NRG3: variants seen among roughly 807,000 people sequenced by gnomAD.
NRG3 encodes pro-neuregulin-3, membrane-bound isoform.
NRG3 carries 31 observed loss-of-function variants against 66.9 expected under a neutral mutation model. That is an observed-to-expected ratio of 0.46 (90% confidence interval 0.35 to 0.63). The LOEUF (loss-of-function observed/expected upper bound fraction) is 0.63. NRG3 is among the 20% of genes least tolerant of loss of function. The pLI is 0.00. For synonymous variants in NRG3, 393 were observed against 359.4 expected (o/e 1.09, Z -1.06); for missense variants, 910 against 878.9 (o/e 1.04, Z -0.45).
intron 1 of NRG3, among the ~76,000 whole-genome samples, chr10:81,906,897 A>C (rs1844652769): frequency 6.6e-6 from 1 of 151,526 alleles, no homozygotes; most frequent in Non-Finnish European, 1.5e-5. Flanking sequence ...AGTGTAGAGC[A>C]GTGAGGGTCT....
At chr10:82,371,611 G>A (rs2084900567) in intron 2 of NRG3, among the ~76,000 whole-genome samples, 1 of 152,044 alleles carries the variant, frequency 6.6e-6, no homozygotes, top group African/African-American at 2.4e-5. Flanking sequence ...GCTCATATCT[G>A]TTTTGTGTTG....
intron 1 of NRG3, among the ~76,000 whole-genome samples, chr10:81,891,478 T>A (rs1190759039): frequency 6.6e-6 from 1 of 152,162 alleles, no homozygotes; most frequent in Non-Finnish European, 1.5e-5. Context: ...TCCACTTAGA[T>A]GCTCTGCCAT....
intron 2 of NRG3, among the ~76,000 whole-genome samples, chr10:82,420,117 A>C (rs2088950349): frequency 6.6e-6 from 1 of 152,144 alleles, no homozygotes; most frequent in Non-Finnish European, 1.5e-5. Context: ...CTTTTGAAAT[A>C]TCTGGCTGCA....
chr10:82,299,250 G>T (rs1450091777), intron 1 of NRG3, among the ~76,000 whole-genome samples: 1 of 152,028 alleles, frequency 6.6e-6, no homozygotes, highest in East Asian at 1.9e-4. Context: ...ACAAAATAAG[G>T]GATTGGAGTG....
At chr10:82,145,222 G>A (rs916826460) in intron 1 of NRG3, among the ~76,000 whole-genome samples, 1 of 152,128 alleles carries the variant, frequency 6.6e-6, no homozygotes, top group Admixed American at 6.6e-5. Flanking sequence ...CAGTCAACAA[G>A]GAATTGCTAA....
chr10:82,075,059 A>G lies in NRG3; in HGVS notation c.823+198896A>G, dbSNP rs767059098. 2.6e-5 allele frequency among the ~76,000 whole-genome samples: 4 copies of G among 152,188 alleles called. No homozygotes were observed. The East Asian group carries it at 7.7e-4, about 29-fold the overall frequency. ...TCTGTTGAATCGATGAATGAATTTAAGTGTCACTATTTTGATGCTTAGCGA... is the reference window on the plus strand; with the variant it reads ...TCTGTTGAATCGATGAATGAATTTAGGTGTCACTATTTTGATGCTTAGCGA... On this transcript the variant is annotated intron_variant, in intron 1 of 8. Transcript: ENST00000372141.
intron 2 of NRG3, among the ~76,000 whole-genome samples, chr10:82,362,670 G>C (rs918063522): frequency 2.0e-5 from 3 of 150,362 alleles, no homozygotes; most frequent in African/African-American, 7.3e-5. Context: ...GATTACAGGT[G>C]TGAGTTACTA....
At chr10:82,621,605 A>T (rs140929716) in intron 2 of NRG3, among the ~76,000 whole-genome samples, 1 of 152,328 alleles carries the variant, frequency 6.6e-6, no homozygotes, top group East Asian at 1.9e-4. Flanking sequence ...TGTCTATAAA[A>T]GGTAATTGAT....
At chr10:82,455,841 A>G (rs1279286193) in intron 2 of NRG3, among the ~76,000 whole-genome samples, 2 of 151,950 alleles carry the variant, frequency 1.3e-5, no homozygotes, top group South Asian at 2.1e-4. Flanking sequence ...GATGGTCTCT[A>G]TCTCCTGACC....
intron 1 of NRG3, among the ~76,000 whole-genome samples, chr10:82,118,673 T>C (rs1302501889): frequency 6.6e-6 from 1 of 152,128 alleles, no homozygotes; most frequent in East Asian, 1.9e-4. Flanking sequence ...TGTCTCTTTT[T>C]TGCTTTTTTT....
chr10:82,324,669 T>C (rs2081766767), intron 1 of NRG3, among the ~76,000 whole-genome samples: 1 of 152,230 alleles, frequency 6.6e-6, no homozygotes, highest in South Asian at 2.1e-4. Context: ...TATTCCTTTC[T>C]CCATTGGTTA....
Position 82,233,181 on chromosome 10 carries a change from G to A in NRG3, c.824-125558G>A, listed in dbSNP as rs539526516. Among the ~76,000 whole-genome samples, 44 of 152,246 alleles carry A rather than the reference G, an allele frequency of 2.9e-4. No homozygotes were observed. The East Asian group carries it at 7.2e-3, about 25-fold the overall frequency. On this transcript the variant is annotated intron_variant, in intron 1 of 8. Transcript: ENST00000372141. ...AGATCAAGACCATCCTGGCTAACACGGTGAAACTCCGTCTCTACTAAAAAT... is the reference window on the plus strand; with the variant it reads ...AGATCAAGACCATCCTGGCTAACACAGTGAAACTCCGTCTCTACTAAAAAT...
chr10:82,416,749 G>A (rs1041810212), intron 2 of NRG3, among the ~76,000 whole-genome samples: 17 of 152,052 alleles, frequency 1.1e-4, no homozygotes, highest in South Asian at 2.1e-4. Flanking sequence ...TCTTTCACTC[G>A]CCTCTGCCTT....
intron 2 of NRG3, among the ~76,000 whole-genome samples, chr10:82,677,440 C>T (rs2053791285): frequency 6.6e-6 from 1 of 152,096 alleles, no homozygotes; most frequent in Non-Finnish European, 1.5e-5. Flanking sequence ...CTTTTTGGTA[C>T]TGACACTTTT....
chr10:82,369,003 G>A (rs1825717964), intron 2 of NRG3, among the ~76,000 whole-genome samples: 1 of 138,656 alleles, frequency 7.2e-6, no homozygotes, highest in Admixed American at 6.8e-5. Flanking sequence ...CTACTGAAAG[G>A]ATTCTTCCTC....
rs143406661 is a variant in NRG3, at chr10:82,162,328, G to C, written c.824-196411G>C. Among the ~76,000 whole-genome samples, 192 of 152,164 alleles carry C rather than the reference G, an allele frequency of 1.3e-3. 2 individuals are homozygous for C. Among genetic ancestry groups the C allele is most frequent in the Non-Finnish European group, 2.1e-3 (146 of 68,012 alleles). On this transcript the variant is annotated intron_variant, in intron 1 of 8. Coordinates refer to ENST00000372141, the MANE Select transcript of NRG3 (RefSeq NM_001010848.4). Reference sequence around the variant, plus strand: ...TGTCAAATCACTCCACAAAATCACTGAGCTTTCCTTTTTATTTTACTTTTT... The same window carrying C: ...TGTCAAATCACTCCACAAAATCACTCAGCTTTCCTTTTTATTTTACTTTTT...
intron 1 of NRG3, among the ~76,000 whole-genome samples, chr10:82,034,906 G>A (rs979517172): frequency 6.6e-6 from 1 of 151,938 alleles, no homozygotes; most frequent in Non-Finnish European, 1.5e-5. Flanking sequence ...TGCAGCCCTG[G>A]CACCATCTTT....
chr10:82,771,147 C>A (rs1016124644), intron 3 of NRG3, among the ~76,000 whole-genome samples: 6 of 152,062 alleles, frequency 3.9e-5, no homozygotes, highest in Non-Finnish European at 7.4e-5. Context: ...GATTAACATT[C>A]TGGTATAAAT....
At chr10:82,227,951 A>G (rs556200033) in intron 1 of NRG3, among the ~76,000 whole-genome samples, 36 of 152,108 alleles carry the variant, frequency 2.4e-4, no homozygotes, top group Non-Finnish European at 3.5e-4. Flanking sequence ...CTGACCCTCA[A>G]CTCCAAAGTT....
Sources: allele counts gnomAD v4.1 joint callset (sites outside exome capture counted in the v4.1 genomes callset), GRCh38; gene constraint gnomAD v4.1.1; transcripts MANE v1.5; gene names NCBI Gene and HGNC (gene_info 2026-07-23, HGNC 2026-07-21).